NOL4: variants seen among roughly 807,000 people sequenced by gnomAD.
NOL4 encodes the protein cancer/testis antigen 125.
Under a neutral mutation model 75.9 loss-of-function variants are expected in NOL4, and 17 were observed. The ratio of observed to expected loss-of-function variants is 0.22; its 90% CI spans 0.15 to 0.34. The LOEUF is 0.34. Among genes scored for constraint, NOL4 ranks in the 10% least tolerant of loss-of-function variants. The pLI is 1.00. For synonymous variants in NOL4, 292 were observed against 289.9 expected (o/e 1.01, Z -0.07); for missense variants, 614 against 793.5 (o/e 0.77, Z 2.72).
chr18:34,177,168 A>G (rs2033627174), intron 1 of NOL4, among the ~76,000 whole-genome samples: 1 of 152,048 alleles, frequency 6.6e-6, no homozygotes, highest in Admixed American at 6.6e-5. Flanking sequence ...GCAAGTCAAA[A>G]AAAGAGTGCA....
intron 6 of NOL4, among the ~76,000 whole-genome samples, chr18:34,000,876 C>A (rs943916657): frequency 6.6e-6 from 1 of 151,914 alleles, no homozygotes; most frequent in African/African-American, 2.4e-5. Context: ...GCTGTTATAA[C>A]AAAGAAGTTA....
chr18:33,912,373 T>A (rs537709238), intron 9 of NOL4, among the ~76,000 whole-genome samples: 50 of 152,108 alleles, frequency 3.3e-4, no homozygotes, highest in Non-Finnish European at 5.3e-4. Context: ...AATATATGTA[T>A]GAAATTATAG....
rs760993478 is a variant in NOL4, at chr18:34,129,925, C to G, written c.360G>C (p.Gly120=). 10 of 1,596,838 alleles carry G rather than the reference C, an allele frequency of 6.3e-6. No homozygotes were observed. Among genetic ancestry groups the G allele is most frequent in the Non-Finnish European group, 8.5e-6 (10 of 1,170,814 alleles). The change falls in exon 2 of 11, where the codon GGG becomes GGC. Residue 120 remains glycine (G), a synonymous_variant. Coordinates refer to ENST00000261592, the MANE Select transcript of NOL4 (RefSeq NM_003787.5). The part of the protein sequence containing the change: ...DIIYSMHVET[G]PNGEQIRKHA... ...GTTTCCGAATTTGTTCTCCATTTGGCCCCGTTTCCACATGCATCGAATAAA... is the reference window on the plus strand; with the variant it reads ...GTTTCCGAATTTGTTCTCCATTTGGGCCCGTTTCCACATGCATCGAATAAA...
chr18:33,951,656 T>G (rs139557029), intron 8 of NOL4, among the ~76,000 whole-genome samples: 4 of 152,292 alleles, frequency 2.6e-5, no homozygotes, highest in Non-Finnish European at 5.9e-5. Context: ...ACTTCTCTTT[T>G]CTTCCTGTGG....
At chr18:34,125,577 C>T (rs2145873640) in intron 2 of NOL4, among the ~76,000 whole-genome samples, 1 of 151,974 alleles carries the variant, frequency 6.6e-6, no homozygotes, top group Admixed American at 6.6e-5. Context: ...ATAAAAAGAA[C>T]TAGGCAAAAA....
intron 10 of NOL4, among the ~76,000 whole-genome samples, 155 bp from the exon 11 acceptor site, chr18:33,853,190 T>G (rs1273950741): frequency 6.6e-6 from 1 of 152,152 alleles, no homozygotes; most frequent in Non-Finnish European, 1.5e-5. Context: ...CTCAGAAAGA[T>G]TAATGAGCAA....
intron 6 of NOL4, among the ~76,000 whole-genome samples, chr18:33,958,978 A>G (rs1437521366): frequency 6.6e-6 from 1 of 152,164 alleles, no homozygotes; most frequent in African/African-American, 2.4e-5. Flanking sequence ...GTTATTAGTT[A>G]ACATGCTTTA....
At position 34,139,625 on chromosome 18, in the gene NOL4, C is replaced by T. The variant is rs1339829743; in HGVS notation, c.265-9605G>A. Among the ~76,000 whole-genome samples, 8 of 152,078 alleles carry T rather than the reference C, an allele frequency of 5.3e-5. No homozygotes were observed. The East Asian group carries it at 1.5e-3, about 29-fold the overall frequency. Reference sequence around the variant, plus strand: ...CAATTTTGTTCATCTTTTTAAAAAACCAGCTCCTGGATTCATTGATTTTTT... The same window carrying T: ...CAATTTTGTTCATCTTTTTAAAAAATCAGCTCCTGGATTCATTGATTTTTT... On this transcript the variant is annotated intron_variant, in intron 1 of 10. Transcript: ENST00000261592.
chr18:33,983,738 GCTTT>G (rs766900275), intron 6 of NOL4, among the ~76,000 whole-genome samples: 1 of 151,446 alleles, frequency 6.6e-6, no homozygotes, highest in African/African-American at 2.4e-5. Context: ...TGAATCTTTG[GCTTT>G]CTTTTTCACT....
At chr18:34,039,493 G>A (rs1396906580) in intron 5 of NOL4, among the ~76,000 whole-genome samples, 2 of 151,948 alleles carry the variant, frequency 1.3e-5, no homozygotes, top group African/African-American at 4.8e-5. Flanking sequence ...TTAAGAGCAA[G>A]TCTTTATTTG....
In NOL4 at chr18:34,038,976, T is replaced by C. The variant is rs144301029; in HGVS notation, c.773-19375A>G. On this transcript the variant is annotated intron_variant, in intron 5 of 10. Transcript: ENST00000261592. ...CCCAAATAAGCAGGTTTGATCATTA[T>C]ACATTCTATGCATGTAAAAAATACA... is the stretch of plus-strand genomic sequence containing the variant. Among the ~76,000 whole-genome samples the C allele has an allele frequency of 1.3e-4, 20 of 152,176 alleles. No homozygotes were observed. In the East Asian group the frequency reaches 3.3e-3, roughly 25 times the overall value.
intron 5 of NOL4, among the ~76,000 whole-genome samples, chr18:34,085,500 G>C (rs542311301): frequency 6.6e-6 from 1 of 152,280 alleles, no homozygotes; most frequent in East Asian, 1.9e-4. Context: ...TAACCAAGCC[G>C]ATTTCCCCTA....
chr18:34,085,841 G>T (rs114347763), intron 5 of NOL4, among the ~76,000 whole-genome samples: 1,974 of 152,098 alleles, frequency 0.013, 45 homozygotes, highest in African/African-American at 0.045. Context: ...GAGAATTACT[G>T]CTTAAAAGCA....
chr18:34,175,929 A>G (rs1428872241), intron 1 of NOL4, among the ~76,000 whole-genome samples: 1 of 152,168 alleles, frequency 6.6e-6, no homozygotes, highest in East Asian at 1.9e-4. Context: ...TCATTAAAAA[A>G]TGAATGGCAC....
At chr18:33,904,464 T>C (rs540936515) in intron 9 of NOL4, among the ~76,000 whole-genome samples, 2 of 152,146 alleles carry the variant, frequency 1.3e-5, no homozygotes, top group Admixed American at 6.6e-5. Flanking sequence ...GTCAGATATG[T>C]CATGTTATCC....
intron 5 of NOL4, chr18:34,048,535 C>T: frequency 1.0e-6 from 1 of 985,466 alleles, no homozygotes; most frequent in East Asian, 1.1e-4. Context: ...CAACCTTTCT[C>T]TCGAAGTGCA....
chr18:33,996,614 T>C (rs989162815), intron 6 of NOL4, among the ~76,000 whole-genome samples: 43 of 152,004 alleles, frequency 2.8e-4, no homozygotes, highest in African/African-American at 9.6e-4. Context: ...CTCATCTTTA[T>C]TTCCATGTGT....
chr18:33,914,954 G>C (rs2066625559), intron 9 of NOL4, among the ~76,000 whole-genome samples: 1 of 152,092 alleles, frequency 6.6e-6, no homozygotes, highest in Admixed American at 6.6e-5. Context: ...GGTATTGAAA[G>C]TGGTGGGACT....
intron 5 of NOL4, among the ~76,000 whole-genome samples, chr18:34,021,679 G>A (rs1006291649): frequency 6.6e-6 from 1 of 152,084 alleles, no homozygotes; most frequent in African/African-American, 2.4e-5. Context: ...ATCTAATTTG[G>A]CATATTTAAA....
Sources: gnomAD v4.1 joint callset for allele counts (sites outside exome capture counted in the v4.1 genomes callset) on GRCh38, gnomAD v4.1.1 for gene constraint, MANE v1.5 for transcripts, NCBI Gene and HGNC (gene_info 2026-07-23, HGNC 2026-07-21) for gene names.